The following DGKI variants were observed in gnomAD, a reference collection of about 807,000 sequenced individuals.
DGKI encodes the protein DAG kinase iota.
Under a neutral mutation model 147.5 loss-of-function variants are expected in DGKI, and 55 were observed. The observed-to-expected ratio is 0.37, with a 90% CI of 0.30 to 0.47. DGKI has a LOEUF of 0.47. Among genes scored for constraint, DGKI ranks in the 20% least tolerant of loss-of-function variants. DGKI has a pLI of 1.00. For synonymous variants in DGKI, 469 were observed against 477.1 expected (o/e 0.98, Z 0.22); for missense variants, 1,007 against 1,323.8 (o/e 0.76, Z 3.71).
rs776485908 is a variant in DGKI, at chr7:137,585,364, A to C, written c.1426-18T>G. ...GTGTAGCCCTGAGGAATCAGAGAAC[A>C]TATCCATTGCTGTCCAGAGTGGAGA... is the stretch of plus-strand genomic sequence containing the variant. On this transcript the variant is annotated intron_variant, in intron 13 of 32. Coordinates refer to ENST00000614521, the MANE Select transcript of DGKI (RefSeq NM_001321708.2). The C allele has an allele frequency of 6.2e-7, 1 of 1,613,290 alleles. No homozygotes were observed. The highest frequency in any genetic ancestry group is 8.5e-7 in the Non-Finnish European group (1 of 1,179,616).
intron 27 of DGKI, among the ~76,000 whole-genome samples, chr7:137,459,470 A>ATTTTTTTTTTTTTTTTTTT: frequency 9.3e-6 from 1 of 107,482 alleles, no homozygotes; most frequent in Non-Finnish European, 1.8e-5. Flanking sequence ...AATTTTTTAA[A>ATTTTTTTTTTTTTTTTTTT]TTTTTTTTTT....
At chr7:137,550,545 T>C (rs972172567) in intron 20 of DGKI, among the ~76,000 whole-genome samples, 1 of 151,966 alleles carries the variant, frequency 6.6e-6, no homozygotes, top group Non-Finnish European at 1.5e-5. Context: ...AAAAATGCCA[T>C]CATATATCAT....
intron 1 of DGKI, among the ~76,000 whole-genome samples, chr7:137,817,162 C>T (rs530472828): frequency 8.5e-5 from 13 of 152,286 alleles, no homozygotes; most frequent in African/African-American, 3.1e-4. Flanking sequence ...TGTGCTTATG[C>T]TGACCTCTTG....
In DGKI at chr7:137,699,511, G is replaced by A. The variant is rs191190552; in HGVS notation, c.402-9509C>T. On this transcript the variant is annotated intron_variant, in intron 1 of 32. Coordinates refer to ENST00000614521, the MANE Select transcript of DGKI (RefSeq NM_001321708.2). ...GTGAGGTCTAATGAATATGGAAATT[G>A]GAGAAGGGGCTGAATTTTATATCCA... Among the ~76,000 whole-genome samples, 76 of 152,268 alleles carry A rather than the reference G, an allele frequency of 5.0e-4. No homozygotes were observed. The East Asian group carries it at 0.01, about 20-fold the overall frequency.
chr7:137,683,680 C>T (rs1823317870), intron 2 of DGKI, among the ~76,000 whole-genome samples: 1 of 152,204 alleles, frequency 6.6e-6, no homozygotes, highest in Admixed American at 6.5e-5. Context: ...TAGTATACAA[C>T]TCAAAGAGTC....
chr7:137,806,634 C>T (rs893279209), intron 1 of DGKI, among the ~76,000 whole-genome samples: 2 of 152,082 alleles, frequency 1.3e-5, no homozygotes, highest in South Asian at 4.2e-4. Context: ...GGGGTTTCAC[C>T]GTGTTAGCCA....
chr7:137,571,459 C>G (rs937409897), intron 18 of DGKI, among the ~76,000 whole-genome samples, 173 bp from the exon 19 acceptor site: 1 of 152,234 alleles, frequency 6.6e-6, no homozygotes, highest in Admixed American at 6.5e-5. Context: ...CTACAAAATA[C>G]CAAGCTGTGA....
chr7:137,802,872 A>G (rs550906039), intron 1 of DGKI, among the ~76,000 whole-genome samples: 1 of 152,284 alleles, frequency 6.6e-6, no homozygotes, highest in African/African-American at 2.4e-5. Flanking sequence ...ATACCTACTG[A>G]TGTTCATTAA....
intron 1 of DGKI, among the ~76,000 whole-genome samples, chr7:137,787,737 A>G (rs549069038): frequency 6.6e-6 from 1 of 152,238 alleles, no homozygotes; most frequent in Non-Finnish European, 1.5e-5. Context: ...GAGTGGATAA[A>G]GAAAATTTGG....
At chr7:137,517,279 A>AAAAAG (rs1816788967) in intron 21 of DGKI, among the ~76,000 whole-genome samples, 1 of 79,744 alleles carries the variant, frequency 1.3e-5, no homozygotes, top group African/African-American at 7.0e-5. Context: ...AAAGAAAAGA[A>AAAAAG]AAAGAAAGAA....
intron 15 of DGKI, among the ~76,000 whole-genome samples, chr7:137,579,128 T>G (rs1186298155): frequency 1.3e-5 from 2 of 152,186 alleles, no homozygotes; most frequent in African/African-American, 2.4e-5. Flanking sequence ...TAATACCTCA[T>G]AGATTCTACT....
At chr7:137,492,773 AG>A (rs1173499124) in intron 21 of DGKI, among the ~76,000 whole-genome samples, 3 of 152,130 alleles carry the variant, frequency 2.0e-5, no homozygotes, top group African/African-American at 7.2e-5. Context: ...ACCTGAACAG[AG>A]CAGGGCCAGT....
chr7:137,441,047 A>C (rs1813479958), intron 28 of DGKI, among the ~76,000 whole-genome samples: 1 of 152,220 alleles, frequency 6.6e-6, no homozygotes, highest in East Asian at 1.9e-4. Context: ...ATCCCGAGCA[A>C]ACATCACAGA....
chr7:137,430,670 G>A (rs1813033044), intron 28 of DGKI, among the ~76,000 whole-genome samples: 3 of 152,094 alleles, frequency 2.0e-5, no homozygotes. Context: ...GAGTGATGTA[G>A]AGAATGATTT....
chr7:137,615,232 G>A (rs899971110), intron 8 of DGKI, among the ~76,000 whole-genome samples: 4 of 151,954 alleles, frequency 2.6e-5, no homozygotes, highest in South Asian at 4.2e-4. Context: ...CAAACCTTCC[G>A]AGATAGTAGG....
chr7:137,837,238 T>C (rs1798410034), intron 1 of DGKI, among the ~76,000 whole-genome samples: 1 of 152,212 alleles, frequency 6.6e-6, no homozygotes, highest in South Asian at 2.1e-4. Flanking sequence ...GTGTAAGCAT[T>C]TGGCAAAATC....
chr7:137,472,331 A>ATATACATATAATAATTATATG (rs1563040125), intron 23 of DGKI, among the ~76,000 whole-genome samples: 639 of 2,496 alleles, frequency 0.26, 96 homozygotes, highest in African/African-American at 0.35. Flanking sequence ...TATTATATGT[A>ATATACATATAATAATTATATG]TATATACATA....
chr7:137,611,636 G>A (rs1413086356), intron 8 of DGKI, among the ~76,000 whole-genome samples: 1 of 152,096 alleles, frequency 6.6e-6, no homozygotes, highest in East Asian at 1.9e-4. Context: ...CCCACCTCAT[G>A]GGACAGTTAT....
intron 1 of DGKI, among the ~76,000 whole-genome samples, chr7:137,768,080 A>G (rs73462656): frequency 0.057 from 8,700 of 152,224 alleles, 844 homozygotes; most frequent in African/African-American, 0.2. Flanking sequence ...TTTGATCTAC[A>G]TATATGAGGA....
Sources: allele counts gnomAD v4.1 joint callset (sites outside exome capture counted in the v4.1 genomes callset), GRCh38; gene constraint gnomAD v4.1.1; transcripts MANE v1.5; gene names NCBI Gene and HGNC (gene_info 2026-07-23, HGNC 2026-07-21).